UPF3B: variants seen among roughly 807,000 people sequenced by gnomAD.
UPF3B encodes regulator of nonsense transcripts 3B.
Under a neutral mutation model 40.3 loss-of-function variants are expected in UPF3B, and 7 were observed. The observed-to-expected ratio is 0.17, with a 90% CI of 0.10 to 0.33. The LOEUF (loss-of-function observed/expected upper bound fraction) is 0.33. Ranked by LOEUF, UPF3B falls within the 10% of genes least tolerant of loss-of-function variation. The pLI, the probability that UPF3B is intolerant of heterozygous loss-of-function variation, is 1.00. For missense variants in UPF3B, 229 were observed against 358.9 expected (o/e 0.64, Z 2.93); for synonymous variants, 117 against 117.3 (o/e 1.00, Z 0.01).
chrX:119,851,915 T>C (rs761994006), intron 1 of UPF3B, 42 bp from the exon 2 acceptor site: 1 of 903,907 alleles, frequency 1.1e-6, no homozygotes, highest in Admixed American at 2.4e-5. Flanking sequence ...TACAAATCAG[T>C]TTTCTGTCAT....
chrX:119,840,764 C>G, intron 7 of UPF3B, 80 bp from the exon 8 acceptor site: 1 of 986,908 alleles, frequency 1.0e-6, no homozygotes, highest in Non-Finnish European at 1.4e-6. Context: ...AACCATAAAT[C>G]ATGCCAGCCA....
intron 10 of UPF3B, among the ~76,000 whole-genome samples, chrX:119,837,447 C>T (rs1233728802): frequency 9.4e-6 from 1 of 105,876 alleles, no homozygotes. Context: ...AACCCTGTCT[C>T]TACTAAAAAT....
In UPF3B at chrX:119,851,748, C is replaced by CT. The variant is rs55712755; in HGVS notation, c.263+18dup. Reference sequence around the variant, plus strand: ...GAAACCTTTTTCATTTACCCCTTTCCTTTTTTTTTTTTTTTTACCTCGTAT... The same window carrying CT: ...GAAACCTTTTTCATTTACCCCTTTCCTTTTTTTTTTTTTTTTTACCTCGTAT... On this transcript the variant is annotated intron_variant, in intron 2 of 10. Transcript: ENST00000276201. 5.0e-3 allele frequency: 2,789 copies of CT among 554,989 alleles called. 9 individuals carry two copies. The highest frequency in any genetic ancestry group is 5.9e-3 in the Non-Finnish European group (2,405 of 406,051). The allele number at this position is 554,989 out of a possible 1,213,427, so 45.7% of individuals were successfully genotyped here. A position where few individuals can be genotyped will look rare whatever the true frequency, so the allele number is the denominator to read the frequency against.
At chrX:119,837,724 A>T in intron 10 of UPF3B, 33 bp downstream of exon 10, 1 of 1,199,953 alleles carries the variant, frequency 8.3e-7, no homozygotes, top group African/African-American at 1.7e-5. Flanking sequence ...AGGGAAAAAA[A>T]CCCTCATAAA....
intron 4 of UPF3B, among the ~76,000 whole-genome samples, chrX:119,820,723 C>A (rs1360216744): frequency 1.8e-5 from 2 of 110,892 alleles, no homozygotes; most frequent in Non-Finnish European, 3.8e-5. Flanking sequence ...ACCGCCTCAG[C>A]CTCCCAAAGT....
chrX:119,824,611 A>T (rs1040327174), intron 3 of UPF3B, among the ~76,000 whole-genome samples: 10 of 110,713 alleles, frequency 9.0e-5, no homozygotes, highest in East Asian at 5.7e-4. Context: ...GCTTCCATTT[A>T]CACCTGCCTT....
intron 8 of UPF3B, 63 bp from the exon 9 acceptor site, chrX:119,838,590 C>T (rs2056128283): frequency 1.9e-5 from 21 of 1,094,083 alleles, no homozygotes; most frequent in Non-Finnish European, 2.6e-5. Context: ...ATTAAAAACC[C>T]AGTATACCAA....
intron 4 of UPF3B, among the ~76,000 whole-genome samples, chrX:119,819,931 G>A (rs934636808): frequency 1.0e-5 from 1 of 96,632 alleles, no homozygotes; most frequent in South Asian, 5.3e-4. Context: ...TGCAATCTCC[G>A]CCTCTTGGGT....
chrX:119,846,001 T>G (rs1259781706), intron 3 of UPF3B, among the ~76,000 whole-genome samples: 2 of 110,643 alleles, frequency 1.8e-5, no homozygotes, highest in African/African-American at 3.3e-5. Context: ...ATGTATACAT[T>G]TCATAATGTA....
chrX:119,807,666 A>T (rs2055803293), intron 5 of UPF3B: 1 of 483,954 alleles, frequency 2.1e-6, no homozygotes. Context: ...ATATATATTA[A>T]TATATACTAA....
Position 119,837,783 on chromosome X carries a change from C to T in UPF3B, c.1276G>A (p.Val426Ile). Residue 426 changes from valine to isoleucine, a missense_variant, in exon 10 of 11, where the codon GTC (valine) becomes ATC (isoleucine). By Grantham distance (29) the Val-to-Ile change is conservative. Transcript: ENST00000276201. ...TTGTTTCTTATTCGATCTCTCTTGA[C>T]CACTTCTTCTTTCTTTTCAGTTTTT... ...SEKTEKKEEV[V>I]KRDRIRNKDR... 2 of 1,210,376 alleles carry T rather than the reference C, an allele frequency of 1.7e-6. No individual in the cohort carries two copies. Among genetic ancestry groups the T allele is most frequent in the Non-Finnish European group, 2.2e-6 (2 of 895,374 alleles).
At chrX:119,824,541 A>G (rs1377559898) in intron 3 of UPF3B, among the ~76,000 whole-genome samples, 1 of 110,199 alleles carries the variant, frequency 9.1e-6, no homozygotes, top group Non-Finnish European at 1.9e-5. Flanking sequence ...ATGTCAACTC[A>G]TGCCTGGTGG....
At chrX:119,810,282 G>A (rs1303130648) in intron 5 of UPF3B, among the ~76,000 whole-genome samples, 2 of 112,214 alleles carry the variant, frequency 1.8e-5, no homozygotes, top group African/African-American at 3.2e-5. Flanking sequence ...GGCTCTATTG[G>A]TTGCTACAAA....
intron 10 of UPF3B, among the ~76,000 whole-genome samples, chrX:119,836,352 C>A (rs1212209600): frequency 9.0e-6 from 1 of 110,600 alleles, no homozygotes; most frequent in Non-Finnish European, 1.9e-5. Context: ...GAGACTCCAT[C>A]GCAAAAAATA....
intron 5 of UPF3B, among the ~76,000 whole-genome samples, chrX:119,811,125 G>A (rs57898429): frequency 0.049 from 5,287 of 108,568 alleles, 122 homozygotes; most frequent in East Asian, 0.15. Flanking sequence ...TGCAACCTCC[G>A]CCTCCCGGGT....
chrX:119,827,167 CTTCT>C (rs1175472030), intron 3 of UPF3B, among the ~76,000 whole-genome samples: 2 of 111,057 alleles, frequency 1.8e-5, no homozygotes, highest in African/African-American at 6.5e-5. Flanking sequence ...TACCCTCTGA[CTTCT>C]TTTTGTTTCC....
intron 3 of UPF3B, among the ~76,000 whole-genome samples, chrX:119,846,898 G>GC (rs1370808817): frequency 6.2e-5 from 7 of 112,111 alleles, no homozygotes; most frequent in Non-Finnish European, 1.3e-4. Flanking sequence ...GTAATATCGA[G>GC]AATATATAAA....
At chrX:119,808,858 A>G (rs1202759882) in intron 5 of UPF3B, among the ~76,000 whole-genome samples, 2 of 112,467 alleles carry the variant, frequency 1.8e-5, no homozygotes. Context: ...GGAAGCCTAC[A>G]GTATTAGTAG....
intron 4 of UPF3B, among the ~76,000 whole-genome samples, chrX:119,820,126 T>C (rs1037881920): frequency 9.0e-6 from 1 of 110,998 alleles, no homozygotes; most frequent in African/African-American, 3.3e-5. Context: ...ACTACAGGCA[T>C]GTGCCACCTC....
Sources: allele counts gnomAD v4.1 joint callset (sites outside exome capture counted in the v4.1 genomes callset), GRCh38; gene constraint gnomAD v4.1.1; transcripts MANE v1.5; gene names NCBI Gene and HGNC (gene_info 2026-07-23, HGNC 2026-07-21).